The following SRGAP1 variants were observed in gnomAD, a reference collection of about 807,000 sequenced individuals.
The protein encoded by SRGAP1 is SLIT-ROBO Rho GTPase-activating protein 1.
In SRGAP1, 43 loss-of-function variants were observed where a neutral mutation model predicts 121.9. The observed-to-expected ratio is 0.35, with a 90% confidence interval of 0.28 to 0.46. The LOEUF is 0.46. Ranked by LOEUF, SRGAP1 falls within the 20% of genes least tolerant of loss-of-function variation. SRGAP1 has a pLI of 1.00. For missense variants in SRGAP1, 1,102 were observed against 1,350.9 expected (o/e 0.82, Z 2.89); for synonymous variants, 447 against 485.4 (o/e 0.92, Z 1.04).
chr12:64,104,083 A>C (rs751230976), intron 15 of SRGAP1, among the ~76,000 whole-genome samples: 10 of 152,158 alleles, frequency 6.6e-5, no homozygotes, highest in Non-Finnish European at 1.3e-4. Flanking sequence ...TTTATTATTC[A>C]TTTTCTGGCA....
chr12:63,963,491 G>A (rs994765595), intron 1 of SRGAP1, among the ~76,000 whole-genome samples: 13 of 152,190 alleles, frequency 8.5e-5, no homozygotes, highest in Admixed American at 6.5e-5. Context: ...GATAAAATCA[G>A]AGTAATGGAC....
intron 4 of SRGAP1, among the ~76,000 whole-genome samples, chr12:64,020,069 G>A (rs115679222): frequency 0.019 from 2,873 of 152,250 alleles, 87 homozygotes; most frequent in African/African-American, 0.066. Flanking sequence ...TGTGGTGGGT[G>A]ACAGCCTTAT....
chr12:63,898,514 ACTTTC>A (rs1004239868), intron 1 of SRGAP1, among the ~76,000 whole-genome samples: 1 of 152,218 alleles, frequency 6.6e-6, no homozygotes. Flanking sequence ...CAATATGGGA[ACTTTC>A]CTTAAATTAA....
chr12:63,969,272 A>G (rs945341161), intron 1 of SRGAP1, among the ~76,000 whole-genome samples: 2 of 151,676 alleles, frequency 1.3e-5, no homozygotes, highest in African/African-American at 2.4e-5. Context: ...CTGATGGCAG[A>G]TTTCATTAAA....
In SRGAP1 at chr12:64,151,047, C is replaced by T. The variant is rs150933823; in HGVS notation, c.*8375C>T. On this transcript the variant is annotated 3_prime_UTR_variant, in exon 22 of 22. Coordinates refer to ENST00000355086, the MANE Select transcript of SRGAP1 (RefSeq NM_020762.4). ...TTACTGTGTTAGTAACTAAATATTA[C>T]GAGATGCATTAGGAAAAGAAGGAAA... 5.9e-4 allele frequency: 87 copies of T among 147,266 alleles called. No homozygotes were observed. The highest frequency in any genetic ancestry group is 2.2e-3 in the South Asian group (10 of 4,626). The allele number at this position is 147,266 out of a possible 1,614,324, so 9.1% of individuals were successfully genotyped here.
rs926716079 is a variant in SRGAP1 at position 64,153,426 on chromosome 12, T to C, written c.*10754T>C. The stretch of plus-strand genomic sequence containing the variant: ...AGACGGAGGTTGCAGTGACCCGAGA[T>C]TGTGCCACTGCACTACAGCCTGGGC... On this transcript the variant is annotated 3_prime_UTR_variant, in exon 22 of 22. Transcript: ENST00000355086. 6.6e-6 allele frequency: 1 copy of C among 151,032 alleles called. No homozygotes were observed. Among genetic ancestry groups the C allele is most frequent in the Non-Finnish European group, 1.5e-5 (1 of 67,916 alleles). 9.4% of individuals were successfully genotyped at this position (151,032 alleles called of 1,614,324 possible). A position where few individuals can be genotyped will look rare whatever the true frequency, so the allele number is the denominator to read the frequency against.
intron 2 of SRGAP1, among the ~76,000 whole-genome samples, chr12:63,986,728 A>C (rs948653903): frequency 6.6e-6 from 1 of 152,058 alleles, no homozygotes; most frequent in African/African-American, 2.4e-5. Flanking sequence ...CAGCCCATTC[A>C]GTAAATATTT....
At chr12:64,012,170 C>T (rs1239986061) in intron 3 of SRGAP1, among the ~76,000 whole-genome samples, 1 of 152,168 alleles carries the variant, frequency 6.6e-6, no homozygotes, top group Non-Finnish European at 1.5e-5. Context: ...AGATTAAAAA[C>T]TTTGAGACTG....
intron 1 of SRGAP1, chr12:63,871,997 G>A (rs1303795004): frequency 2.1e-5 from 19 of 910,864 alleles, no homozygotes; most frequent in East Asian, 9.6e-5. Flanking sequence ...GTGTCACTTC[G>A]TCAGGTGATG....
At position 63,959,764 on chromosome 12, in the gene SRGAP1, A is replaced by G. The variant is rs1477701036; in HGVS notation, c.68-24183A>G. On this transcript the variant is annotated intron_variant, in intron 1 of 21. Transcript: ENST00000355086. ...TTAACCCTTACAACAACCATATAAT[A>G]TGCATTCTTATCTCTCCTTTAAAGA... 4.6e-5 allele frequency among the ~76,000 whole-genome samples: 7 copies of G among 152,188 alleles called. No individual in the cohort carries two copies. In the South Asian group the frequency reaches 6.2e-4, roughly 14 times the overall value.
chr12:63,929,371 C>G (rs970181330), intron 1 of SRGAP1, among the ~76,000 whole-genome samples: 1 of 152,208 alleles, frequency 6.6e-6, no homozygotes, highest in African/African-American at 2.4e-5. Flanking sequence ...TGTTAGTGCT[C>G]TTTAAGTTCT....
At chr12:63,970,396 T>C (rs1413763358) in intron 1 of SRGAP1, among the ~76,000 whole-genome samples, 3 of 152,180 alleles carry the variant, frequency 2.0e-5, no homozygotes, top group Admixed American at 6.5e-5. Context: ...GAGGCAATAT[T>C]GCTAATCATA....
chr12:63,908,365 C>T (rs73113978), intron 1 of SRGAP1, among the ~76,000 whole-genome samples: 7,329 of 152,130 alleles, frequency 0.048, 272 homozygotes, highest in Middle Eastern at 0.14. Flanking sequence ...TCCATTTATT[C>T]AAATCTTCTT....
chr12:64,106,921 A>G (rs2036354056), intron 15 of SRGAP1, among the ~76,000 whole-genome samples: 1 of 152,232 alleles, frequency 6.6e-6, no homozygotes, highest in African/African-American at 2.4e-5. Context: ...ACTATTATAA[A>G]TTATAGATTT....
At chr12:63,928,675 G>A (rs2031352466) in intron 1 of SRGAP1, among the ~76,000 whole-genome samples, 1 of 150,936 alleles carries the variant, frequency 6.6e-6, no homozygotes, top group African/African-American at 2.4e-5. Flanking sequence ...CGGTGGTGGG[G>A]ATGGTTTCAG....
intron 1 of SRGAP1, among the ~76,000 whole-genome samples, chr12:63,963,720 G>A (rs1232076916): frequency 6.6e-6 from 1 of 151,936 alleles, no homozygotes. Flanking sequence ...AGTCTCTGAT[G>A]ACCACTATTT....
intron 15 of SRGAP1, among the ~76,000 whole-genome samples, chr12:64,104,690 C>T (rs1463769718): frequency 6.6e-6 from 1 of 152,140 alleles, no homozygotes; most frequent in Non-Finnish European, 1.5e-5. Flanking sequence ...CGGTTAGAGG[C>T]CTTCGAGACG....
At chr12:63,996,578 G>T (rs922635331) in intron 3 of SRGAP1, among the ~76,000 whole-genome samples, 2 of 151,988 alleles carry the variant, frequency 1.3e-5, no homozygotes, top group Admixed American at 6.6e-5. Context: ...TGTACAAACA[G>T]GTCATATATT....
intron 21 of SRGAP1, 36 bp from the exon 22 acceptor site, chr12:64,142,259 T>A (rs2036976459): frequency 6.3e-7 from 1 of 1,598,198 alleles, no homozygotes; most frequent in South Asian, 1.1e-5. Flanking sequence ...TCATTATCAG[T>A]CTGTGCTTTC....
Sources: gnomAD v4.1 joint callset for allele counts (sites outside exome capture counted in the v4.1 genomes callset) on GRCh38, gnomAD v4.1.1 for gene constraint, MANE v1.5 for transcripts, NCBI Gene and HGNC (gene_info 2026-07-23, HGNC 2026-07-21) for gene names.